The following DDX49 variants were observed in gnomAD, a reference collection of about 807,000 sequenced individuals.
DDX49 encodes the protein probable ATP-dependent RNA helicase DDX49.
In DDX49, 50 loss-of-function variants were observed where a neutral mutation model predicts 56.3. That is an observed-to-expected ratio of 0.89 (90% CI 0.71 to 1.12). The LOEUF (loss-of-function observed/expected upper bound fraction) is 1.12, where lower values mean the gene tolerates loss of function less well. DDX49 is among the 50% of genes most tolerant of loss of function. DDX49 has a pLI of 0.00. For synonymous variants in DDX49, 269 were observed against 270.6 expected (o/e 0.99, Z 0.06); for missense variants, 614 against 650.5 (o/e 0.94, Z 0.61).
Position 18,922,340 on chromosome 19 carries a change from A to C in DDX49, c.462A>C (p.Ala154=). 1 of 1,611,136 alleles carries C rather than the reference A, an allele frequency of 6.2e-7. No homozygotes were observed. The highest frequency in any genetic ancestry group is 8.5e-7 in the Non-Finnish European group (1 of 1,179,502). ...KKIRFLVMDE[A]DRLLEQGCTD... ...TGGCACGGCAGGTGATGGATGAGGC[A>C]GACCGGCTGCTGGAACAGGGCTGCA... The change falls in exon 5 of 13, where the codon GCA becomes GCC. Residue 154 remains alanine, a synonymous_variant. Coordinates refer to ENST00000247003, the MANE Select transcript of DDX49 (RefSeq NM_019070.5).
rs138056361 is a variant in DDX49 at position 18,928,255 on chromosome 19, G to C, written c.1391G>C (p.Arg464Pro). 6.3e-7 allele frequency: 1 copy of C among 1,587,924 alleles called. No homozygotes were observed. Among genetic ancestry groups the C allele is most frequent in the South Asian group, 1.1e-5 (1 of 87,556 alleles). Residue 464 changes from arginine (R) to proline (P), a missense_variant, in exon 13 of 13, where the codon CGT (arginine) becomes CCT (proline). Physicochemically the swap from Arg to Pro is moderately radical, Grantham distance 103. Transcript: ENST00000247003. Reference sequence around the variant, plus strand: ...GCTGGCAGGGCTGGCCACAAGGGGCGTCCACCCAGGACACCGTCTGGGTCC... The same window carrying C: ...GCTGGCAGGGCTGGCCACAAGGGGCCTCCACCCAGGACACCGTCTGGGTCC... ...QKAGRAGHKG[R>P]PPRTPSGSHS... is the part of the protein sequence containing the mutation.
At chr19:18,924,197 A>C in intron 6 of DDX49, 36 bp from the exon 7 acceptor site, 1 of 1,609,806 alleles carries the variant, frequency 6.2e-7, no homozygotes, top group Non-Finnish European at 8.5e-7. Flanking sequence ...AGAACCTGAG[A>C]GCTGGAGGGG....
intron 5 of DDX49, 34 bp from the exon 6 acceptor site, chr19:18,922,570 A>G: frequency 6.2e-7 from 1 of 1,601,604 alleles, no homozygotes. Context: ...AGACAGGGAC[A>G]CTGAGGCGTG....
Position 18,921,838 on chromosome 19 carries a change from C to T in DDX49, c.326-5C>T. 6.2e-7 allele frequency: 1 copy of T among 1,613,994 alleles called. No individual in the cohort carries two copies. The highest frequency in any genetic ancestry group is 2.2e-5 in the East Asian group (1 of 44,878). ...CAGCCCTGCCTCTCATGCTCTGTCC[C>T]CCAGACATGGTGGCCCAGGCGCTGG... On this transcript the variant is annotated splice_polypyrimidine_tract_variant and splice_region_variant and intron_variant, in intron 3 of 12. Coordinates refer to ENST00000247003, the MANE Select transcript of DDX49 (RefSeq NM_019070.5).
chr19:18,922,062 G>A (rs370422946), intron 4 of DDX49, 98 bp downstream of exon 4: 12 of 1,480,512 alleles, frequency 8.1e-6, no homozygotes, highest in South Asian at 6.6e-5. Flanking sequence ...TTTAGGAAAC[G>A]TATGTCCGTT....
chr19:18,928,278 TCCCACTCAGGCCCAGTC>T lies in DDX49; in HGVS notation c.1418_1434del (p.His473LeufsTer22). 2 of 1,581,454 alleles carry T rather than the reference TCCCACTCAGGCCCAGTC, an allele frequency of 1.3e-6. No individual in the cohort carries two copies. Among genetic ancestry groups the T allele is most frequent in the Non-Finnish European group, 1.7e-6 (2 of 1,164,172 alleles). On this transcript the variant is annotated frameshift_variant, in exon 13 of 13. Transcript: ENST00000247003. LOFTEE classifies it low-confidence loss of function (END_TRUNC). ...GCGTCCACCCAGGACACCGTCTGGG[TCCCACTCAGGCCCAGTC>T]CCCTCCCAGGGCCTGGTCTGAGCCC... is the stretch of plus-strand genomic sequence containing the variant.
intron 10 of DDX49, 83 bp downstream of exon 10, chr19:18,926,460 G>T: frequency 8.1e-7 from 1 of 1,239,284 alleles, no homozygotes; most frequent in Admixed American, 2.0e-5. Context: ...CCATTTTCCC[G>T]TCAGACACCA....
intron 5 of DDX49, 25 bp downstream of exon 5, chr19:18,922,538 G>T (rs878998369): frequency 6.3e-7 from 1 of 1,597,672 alleles, no homozygotes; most frequent in South Asian, 1.1e-5. Flanking sequence ...CAGACAGCGT[G>T]GGGAGGGCAG....
At chr19:18,925,182 C>G in intron 9 of DDX49, 1 of 793,106 alleles carries the variant, frequency 1.3e-6, no homozygotes, top group East Asian at 2.8e-5. Flanking sequence ...TCACTTGAAC[C>G]CGGGAGGTTG....
At chr19:18,920,794 G>A (rs1380707644) in intron 2 of DDX49, 91 bp downstream of exon 2, 14 of 1,335,938 alleles carry the variant, frequency 1.0e-5, no homozygotes, top group African/African-American at 1.5e-5. Flanking sequence ...CTTTTCCCAC[G>A]TGTGAGATGA....
At position 18,922,762 on chromosome 19, in the gene DDX49, C is replaced by T; in HGVS notation, c.776+18C>T. Reference sequence around the variant, plus strand: ...ACGTGCAAGTGAGCGGGGCCCGCCTCTCCCCTCCCACCGCCCTTCAAAGGA... The same window carrying T: ...ACGTGCAAGTGAGCGGGGCCCGCCTTTCCCCTCCCACCGCCCTTCAAAGGA... On this transcript the variant is annotated intron_variant, in intron 6 of 12. Transcript: ENST00000247003. The T allele has an allele frequency of 6.2e-7, 1 of 1,606,760 alleles. No homozygotes were observed. Among genetic ancestry groups the T allele is most frequent in the Non-Finnish European group, 8.5e-7 (1 of 1,174,524 alleles).
At chr19:18,922,127 A>G in intron 4 of DDX49, 163 bp downstream of exon 4, 1 of 1,193,768 alleles carries the variant, frequency 8.4e-7, no homozygotes, top group Non-Finnish European at 1.1e-6. Flanking sequence ...AGGACCAACA[A>G]GAGGGGGCCC....
chr19:18,926,462 C>A, intron 10 of DDX49, 85 bp downstream of exon 10: 1 of 1,230,000 alleles, frequency 8.1e-7, no homozygotes. Context: ...ATTTTCCCGT[C>A]AGACACCAGC....
chr19:18,925,697 C>T (rs1402798123), intron 9 of DDX49, among the ~76,000 whole-genome samples: 4 of 152,102 alleles, frequency 2.6e-5, no homozygotes, highest in African/African-American at 7.2e-5. Flanking sequence ...CACACAGCTC[C>T]GGCCCCCACT....
chr19:18,924,446 G>C, intron 7 of DDX49, 138 bp downstream of exon 7: 1 of 1,089,526 alleles, frequency 9.2e-7, no homozygotes, highest in Non-Finnish European at 1.4e-6. Flanking sequence ...CGCAGCTCAA[G>C]AGGCCCTCCC....
At chr19:18,926,228 G>A in intron 9 of DDX49, 75 bp from the exon 10 acceptor site, 2 of 1,442,584 alleles carry the variant, frequency 1.4e-6, no homozygotes, top group African/African-American at 1.4e-5. Context: ...GAGCTGTGTA[G>A]CTGTCAGGAT....
At chr19:18,924,446 G>T in intron 7 of DDX49, 138 bp downstream of exon 7, 2 of 1,089,526 alleles carry the variant, frequency 1.8e-6, no homozygotes, top group East Asian at 5.1e-5. Context: ...CGCAGCTCAA[G>T]AGGCCCTCCC....
intron 1 of DDX49, 100 bp downstream of exon 1, chr19:18,919,956 G>C: frequency 1.2e-6 from 1 of 864,198 alleles, no homozygotes. Flanking sequence ...CGAGGCGAGG[G>C]GCAACCTCGG....
chr19:18,928,010 CG>C lies in DDX49; in HGVS notation c.1239del (p.Lys414SerfsTer3). On this transcript the variant is annotated frameshift_variant, in exon 12 of 13. Coordinates refer to ENST00000247003, the MANE Select transcript of DDX49 (RefSeq NM_019070.5). LOFTEE classifies it low-confidence loss of function (END_TRUNC). ...HFDEKKEINK[R>X]KQLILEGKDP... is the part of the protein sequence containing the mutation. ...TGACGAAAAGAAGGAGATCAACAAA[CG>C]GAAGCAGCTGATCCTGGAGGGGAAG... The C allele has an allele frequency of 6.2e-7, 1 of 1,613,724 alleles. No homozygotes were observed. Among genetic ancestry groups the C allele is most frequent in the African/African-American group, 1.3e-5 (1 of 74,894 alleles).
Sources: gnomAD v4.1 joint callset for allele counts (sites outside exome capture counted in the v4.1 genomes callset) on GRCh38, gnomAD v4.1.1 for gene constraint, MANE v1.5 for transcripts, NCBI Gene and HGNC (gene_info 2026-07-23, HGNC 2026-07-21) for gene names.